SCN3A: variants seen among roughly 807,000 people sequenced by gnomAD.
SCN3A encodes sodium channel protein type 3 subunit alpha.
Under a neutral mutation model 187.6 loss-of-function variants are expected in SCN3A, and 60 were observed. The ratio of observed to expected loss-of-function variants is 0.32; its 90% CI spans 0.26 to 0.40. SCN3A has a LOEUF of 0.40. SCN3A is among the 10% of genes least tolerant of loss of function. The pLI, the probability that SCN3A is intolerant of heterozygous loss-of-function variation, is 1.00. For synonymous variants in SCN3A, 788 were observed against 829.2 expected, an observed-to-expected ratio of 0.95 and a Z score of 0.85; for missense variants, 1,601 against 2,428.2, an observed-to-expected ratio of 0.66 and a Z score of 7.16.
At chr2:165,119,375 C>G (rs1686539061) in intron 18 of SCN3A, among the ~76,000 whole-genome samples, 1 of 152,086 alleles carries the variant, frequency 6.6e-6, no homozygotes, top group Non-Finnish European at 1.5e-5. Flanking sequence ...TTGTGAATCA[C>G]CTTCTTATTA....
chr2:165,116,028 C>A lies in SCN3A; in HGVS notation c.3394-453G>T, dbSNP rs185677516. 1.0e-3 allele frequency among the ~76,000 whole-genome samples: 154 copies of A among 152,180 alleles called. 1 individual carries two copies. Among genetic ancestry groups the A allele is most frequent in the African/African-American group, 3.7e-3 (152 of 41,540 alleles). ...AATTTTCAAAGGGCAAAGAATATTACCAGTTGTTTCTAAGTATTGTCCATG... is the reference window on the plus strand; with the variant it reads ...AATTTTCAAAGGGCAAAGAATATTAACAGTTGTTTCTAAGTATTGTCCATG... On this transcript the variant is annotated intron_variant, in intron 18 of 27. Transcript: ENST00000283254.
At chr2:165,121,846 T>C (rs559041544) in intron 18 of SCN3A, among the ~76,000 whole-genome samples, 1 of 152,290 alleles carries the variant, frequency 6.6e-6, no homozygotes, top group East Asian at 1.9e-4. Flanking sequence ...TCTACAATAA[T>C]CTTGGGAGAT....
intron 12 of SCN3A, among the ~76,000 whole-genome samples, chr2:165,144,080 A>G (rs909233970): frequency 1.3e-5 from 2 of 152,208 alleles, no homozygotes; most frequent in Non-Finnish European, 2.9e-5. Context: ...CCCACAATTT[A>G]TGCCCTCTCT....
intron 3 of SCN3A, 87 bp from the exon 4 acceptor site, chr2:165,170,635 A>T (rs542453298): frequency 1.2e-6 from 1 of 831,190 alleles, no homozygotes; most frequent in African/African-American, 1.7e-5. Flanking sequence ...TTTAAAAAAT[A>T]GAATTTGTTT....
chr2:165,172,010 T>A (rs1690134726), intron 3 of SCN3A, among the ~76,000 whole-genome samples: 1 of 152,192 alleles, frequency 6.6e-6, no homozygotes. Flanking sequence ...AACTAGGGGC[T>A]ATATGCCATA....
intron 3 of SCN3A, among the ~76,000 whole-genome samples, chr2:165,173,575 C>T (rs1306297812): frequency 6.6e-5 from 10 of 152,140 alleles, no homozygotes; most frequent in Non-Finnish European, 1.3e-4. Context: ...CATTAAAATA[C>T]ATTGTGATAT....
At chr2:165,188,368 A>G (rs760312980) in intron 1 of SCN3A, among the ~76,000 whole-genome samples, 3 of 152,304 alleles carry the variant, frequency 2.0e-5, no homozygotes, top group Middle Eastern at 3.4e-3. Context: ...TTTAGGCCAC[A>G]TACTTCAAAC....
rs1687075528 is a variant in SCN3A, at chr2:165,127,744, T to C, written c.3280A>G (p.Ile1094Val). 1.2e-6 allele frequency: 2 copies of C among 1,614,198 alleles called. No individual in the cohort carries two copies. The highest frequency in any genetic ancestry group is 1.7e-6 in the Non-Finnish European group (2 of 1,180,014). The change falls in exon 18 of 28, where the codon ATA (isoleucine) becomes GTA (valine). Residue 1094 changes from isoleucine to valine, a missense_variant. Physicochemically the swap from Ile to Val is conservative, Grantham distance 29. Around this residue, in one of 11 missense-constraint regions of SCN3A, gnomAD observed 267 missense variants for 313.2 expected, o/e 0.85. Coordinates refer to ENST00000283254, the MANE Select transcript of SCN3A (RefSeq NM_006922.4). ...VIDENDYMSF[I>V]NNPSLTVTVP... ...GTGACGGTGAGGCTGGGGTTGTTTATGAATGACATATAATCATTTTCATCG... is the reference window on the plus strand; with the variant it reads ...GTGACGGTGAGGCTGGGGTTGTTTACGAATGACATATAATCATTTTCATCG...
At chr2:165,187,084 C>A (rs1192838699) in intron 1 of SCN3A, among the ~76,000 whole-genome samples, 1 of 152,254 alleles carries the variant, frequency 6.6e-6, no homozygotes, top group East Asian at 1.9e-4. Context: ...CTCCTCTTCC[C>A]TCCTTACATC....
At position 165,115,306 on chromosome 2, in the gene SCN3A, A is replaced by G. The variant is rs144994954; in HGVS notation, c.3514+149T>C. ...GGTCTCAAACTCCTGGGGTCAAGCA[A>G]TCCTCCTACCGTAGCCTCCCAAAAT... On this transcript the variant is annotated intron_variant, in intron 19 of 27. Transcript: ENST00000283254. The G allele has an allele frequency of 4.4e-4, 363 of 817,774 alleles. 3 individuals carry two copies. The East Asian group carries it at 7.0e-3, about 16-fold the overall frequency. 50.7% of individuals were successfully genotyped at this position (817,774 alleles called of 1,614,324 possible).
At chr2:165,188,959 G>C (rs964761017) in intron 1 of SCN3A, among the ~76,000 whole-genome samples, 1 of 152,070 alleles carries the variant, frequency 6.6e-6, no homozygotes, top group Non-Finnish European at 1.5e-5. Context: ...TTTTGTGCAA[G>C]CGATGCATGG....
At chr2:165,141,191 T>A (rs1460652567) in intron 12 of SCN3A, among the ~76,000 whole-genome samples, 193 bp from the exon 13 acceptor site, 2 of 152,094 alleles carry the variant, frequency 1.3e-5, no homozygotes, top group African/African-American at 4.8e-5. Context: ...GTACAAAGAG[T>A]GTTTTTCTGA....
chr2:165,139,670 G>A, intron 13 of SCN3A, 62 bp from the exon 14 acceptor site: 2 of 1,598,774 alleles, frequency 1.3e-6, no homozygotes, highest in Non-Finnish European at 1.7e-6. Flanking sequence ...ACACCACATA[G>A]CATTTCTTTG....
chr2:165,127,804 C>T lies in SCN3A; in HGVS notation c.3220G>A (p.Val1074Ile), dbSNP rs765819507. ...TTTTCAACACTGCTTCCAGTACCTA[C>T]ACCACTGGTGGTTCCATTCCCATCT... ...LRDGNGTTSG[V>I]GTGSSVEKYV... The change falls in exon 18 of 28, where the codon GTA (valine) becomes ATA (isoleucine). Residue 1074 changes from valine (V) to isoleucine (I), a missense_variant. Around this residue, in one of 11 missense-constraint regions of SCN3A, gnomAD observed 267 missense variants for 313.2 expected, o/e 0.85. Coordinates refer to ENST00000283254, the MANE Select transcript of SCN3A (RefSeq NM_006922.4). 24 of 1,614,164 alleles carry T rather than the reference C, an allele frequency of 1.5e-5. 1 individual carries two copies. The Middle Eastern group carries it at 4.9e-4, about 33-fold the overall frequency.
chr2:165,166,850 TCTCTAAGTTATTA>T (rs1689789708), intron 5 of SCN3A, among the ~76,000 whole-genome samples: 1 of 152,110 alleles, frequency 6.6e-6, no homozygotes, highest in Non-Finnish European at 1.5e-5. Context: ...GGTATAATCA[TCTCTAAGTTATTA>T]CTGCTTCTTT....
chr2:165,193,723 A>G (rs1691755108), intron 1 of SCN3A, among the ~76,000 whole-genome samples: 1 of 152,126 alleles, frequency 6.6e-6, no homozygotes, highest in African/African-American at 2.4e-5. Flanking sequence ...AGAACTGGGA[A>G]CTTGAGGTAT....
intron 3 of SCN3A, among the ~76,000 whole-genome samples, chr2:165,170,915 T>C (rs1446545027): frequency 5.3e-5 from 8 of 152,092 alleles, no homozygotes; most frequent in Admixed American, 1.3e-4. Context: ...ACTAAAATAA[T>C]CTTTTATAAG....
At chr2:165,113,598 T>G (rs1363627325) in intron 20 of SCN3A, among the ~76,000 whole-genome samples, 1 of 152,210 alleles carries the variant, frequency 6.6e-6, no homozygotes, top group Non-Finnish European at 1.5e-5. Flanking sequence ...GGAAAACATC[T>G]GTTAGATAAA....
At position 165,131,348 on chromosome 2, in the gene SCN3A, G is replaced by C. The variant is rs367827161; in HGVS notation, c.2461C>G (p.Gln821Glu). 1.9e-6 allele frequency: 3 copies of C among 1,608,014 alleles called. No homozygotes were observed. Among genetic ancestry groups the C allele is most frequent in the African/African-American group, 2.7e-5 (2 of 74,786 alleles). Residue 821 changes from glutamine (Q) to glutamate (E), a missense_variant, in exon 16 of 28, where the codon CAA becomes GAA. Transcript: ENST00000283254. ...CCATCAAAGATATTCCAGCCTTCTTGGAAATAGTAATAAGGATCCATGGCA... is the reference window on the plus strand; with the variant it reads ...CCATCAAAGATATTCCAGCCTTCTTCGAAATAGTAATAAGGATCCATGGCA... ...IIAMDPYYYF[Q>E]EGWNIFDGII...
Sources: allele counts gnomAD v4.1 joint callset (sites outside exome capture counted in the v4.1 genomes callset), GRCh38; gene constraint gnomAD v4.1.1; regional missense constraint gnomAD v4.1.1; transcripts MANE v1.5; gene names NCBI Gene and HGNC (gene_info 2026-07-23, HGNC 2026-07-21).